CDH12: variants seen among roughly 807,000 people sequenced by gnomAD.
CDH12 encodes the protein cadherin-12.
CDH12 carries 41 observed loss-of-function variants against 74.1 expected under a neutral mutation model. The ratio of observed to expected loss-of-function variants is 0.55; its 90% confidence interval spans 0.43 to 0.72. The LOEUF is 0.72. Among genes scored for constraint, CDH12 ranks in the 30% least tolerant of loss-of-function variants. The pLI is 0.00. For synonymous variants in CDH12, 399 were observed against 355.0 expected, an observed-to-expected ratio of 1.12 and a Z score of -1.39; for missense variants, 945 against 977.2, an observed-to-expected ratio of 0.97 and a Z score of 0.44.
chr5:22,312,409 T>A (rs1167456702), intron 3 of CDH12, among the ~76,000 whole-genome samples: 2 of 152,184 alleles, frequency 1.3e-5, no homozygotes, highest in Non-Finnish European at 2.9e-5. Flanking sequence ...AAAGTAAATA[T>A]ACCCTTTTGG....
At chr5:22,118,377 T>G (rs968259649) in intron 4 of CDH12, among the ~76,000 whole-genome samples, 1 of 152,114 alleles carries the variant, frequency 6.6e-6, no homozygotes, top group African/African-American at 2.4e-5. Flanking sequence ...ATCTCGGAAA[T>G]ATTCGTTGTT....
At chr5:21,919,683 GATAA>G (rs1426332292) in intron 6 of CDH12, among the ~76,000 whole-genome samples, 1 of 152,116 alleles carries the variant, frequency 6.6e-6, no homozygotes, top group African/African-American at 2.4e-5. Flanking sequence ...GAAACGGACT[GATAA>G]ATACATAATT....
At chr5:21,867,919 T>A (rs1223423003) in intron 6 of CDH12, among the ~76,000 whole-genome samples, 1 of 152,172 alleles carries the variant, frequency 6.6e-6, no homozygotes, top group Non-Finnish European at 1.5e-5. Context: ...CTCCCATAAT[T>A]TCCTCATGTT....
chr5:21,764,651 G>GAAA (rs369895363), intron 12 of CDH12, among the ~76,000 whole-genome samples: 6 of 110,096 alleles, frequency 5.4e-5, no homozygotes, highest in Middle Eastern at 4.8e-3. Flanking sequence ...TTCATATCAA[G>GAAA]AAAAAAAAAA....
intron 3 of CDH12, among the ~76,000 whole-genome samples, chr5:22,222,959 C>T (rs1263338952): frequency 6.6e-6 from 1 of 151,798 alleles, no homozygotes; most frequent in African/African-American, 2.4e-5. Flanking sequence ...TGTTTCATTT[C>T]CAATACTTAT....
chr5:22,714,732 G>A (rs964811269), intron 1 of CDH12, among the ~76,000 whole-genome samples: 2 of 152,112 alleles, frequency 1.3e-5, no homozygotes, highest in Admixed American at 6.6e-5. Context: ...AAAATTAGAC[G>A]TTCTGCAGTA....
intron 1 of CDH12, among the ~76,000 whole-genome samples, chr5:22,539,577 T>C (rs1385931079): frequency 2.0e-5 from 3 of 152,204 alleles, no homozygotes; most frequent in African/African-American, 7.2e-5. Flanking sequence ...GTCGAGATGA[T>C]GTATTATATG....
intron 1 of CDH12, among the ~76,000 whole-genome samples, chr5:22,607,862 C>A (rs1192749871): frequency 3.3e-5 from 5 of 152,320 alleles, no homozygotes; most frequent in African/African-American, 1.2e-4. Context: ...GGTGTTGAGC[C>A]TAAGGGTGCA....
chr5:22,377,501 A>G (rs1481005924), intron 3 of CDH12, among the ~76,000 whole-genome samples: 2 of 152,104 alleles, frequency 1.3e-5, no homozygotes, highest in African/African-American at 4.8e-5. Context: ...CTTGAGAGAG[A>G]GCAAGGCGAC....
At chr5:21,797,559 A>G (rs190350973) in intron 10 of CDH12, among the ~76,000 whole-genome samples, 100 of 152,250 alleles carry the variant, frequency 6.6e-4, no homozygotes, top group South Asian at 8.3e-4. Context: ...GTGGAGATCA[A>G]TTAGATCCAT....
chr5:22,444,126 GA>G, intron 2 of CDH12, among the ~76,000 whole-genome samples: 1 of 151,922 alleles, frequency 6.6e-6, no homozygotes, highest in Non-Finnish European at 1.5e-5. Context: ...TACACAACTT[GA>G]AAAGAAAACA....
chr5:22,426,678 T>A (rs950582683), intron 2 of CDH12, among the ~76,000 whole-genome samples: 5 of 152,170 alleles, frequency 3.3e-5, no homozygotes, highest in Admixed American at 2.6e-4. Flanking sequence ...AACCTAAATA[T>A]AATTTTAATA....
intron 1 of CDH12, among the ~76,000 whole-genome samples, chr5:22,817,637 C>T (rs2126465591): frequency 6.6e-6 from 1 of 152,108 alleles, no homozygotes; most frequent in East Asian, 1.9e-4. Flanking sequence ...AAAATCTATC[C>T]AATCTTGACT....
intron 2 of CDH12, among the ~76,000 whole-genome samples, chr5:22,429,584 C>A (rs1178230969): frequency 1.3e-5 from 2 of 152,176 alleles, no homozygotes; most frequent in Non-Finnish European, 2.9e-5. Context: ...ACCATCCTAT[C>A]ATTTCCATGG....
At chr5:22,075,685 A>G (rs1742269365) in intron 5 of CDH12, among the ~76,000 whole-genome samples, 1 of 152,084 alleles carries the variant, frequency 6.6e-6, no homozygotes, top group African/African-American at 2.4e-5. Flanking sequence ...GCTTTGGGTC[A>G]ACAGAAGGCT....
At chr5:22,489,747 G>T (rs1746784786) in intron 2 of CDH12, among the ~76,000 whole-genome samples, 1 of 146,328 alleles carries the variant, frequency 6.8e-6, no homozygotes, top group Admixed American at 7.0e-5. Context: ...CCAGGCTAGA[G>T]CACAAATACG....
At chr5:22,400,793 T>C (rs1168341678) in intron 3 of CDH12, among the ~76,000 whole-genome samples, 1 of 152,118 alleles carries the variant, frequency 6.6e-6, no homozygotes, top group East Asian at 1.9e-4. Flanking sequence ...CTCAGGAACA[T>C]TCTATAAATG....
intron 1 of CDH12, among the ~76,000 whole-genome samples, chr5:22,850,600 TTC>T (rs1737505498): frequency 6.6e-6 from 1 of 152,124 alleles, no homozygotes; most frequent in South Asian, 2.1e-4. Context: ...AAGCAAAATG[TTC>T]TCTATTGATG....
At chr5:22,599,515 G>A (rs269882) in intron 1 of CDH12, among the ~76,000 whole-genome samples, 74,113 of 151,372 alleles carry the variant, frequency 0.49, 18,357 homozygotes, top group Admixed American at 0.58. Context: ...CTTGCCTACA[G>A]TTCTTATCAT....
Sources: allele counts gnomAD v4.1 joint callset (sites outside exome capture counted in the v4.1 genomes callset), GRCh38; gene constraint gnomAD v4.1.1; transcripts MANE v1.5; gene names NCBI Gene and HGNC (gene_info 2026-07-23, HGNC 2026-07-21).